AXDND1: variants seen among roughly 807,000 people sequenced by gnomAD.
AXDND1 encodes axonemal dynein light chain domain containing 1.
AXDND1 carries 110 observed loss-of-function variants against 137.5 expected under a neutral mutation model. The observed-to-expected ratio is 0.80, with a 90% confidence interval of 0.69 to 0.94. AXDND1 has a LOEUF of 0.94. Among genes scored for constraint, AXDND1 ranks in the 40% least tolerant of loss-of-function variants. The pLI is 0.00. For synonymous variants in AXDND1, 414 were observed against 399.7 expected, an observed-to-expected ratio of 1.04 and a Z score of -0.43; for missense variants, 1,191 against 1,169.8, an observed-to-expected ratio of 1.02 and a Z score of -0.26.
intron 20 of AXDND1, among the ~76,000 whole-genome samples, chr1:179,503,648 C>T (rs1668245206): frequency 6.6e-6 from 1 of 151,858 alleles, no homozygotes; most frequent in Non-Finnish European, 1.5e-5. Flanking sequence ...TGGTGTGCTG[C>T]ACCCATTAAC....
intron 4 of AXDND1, among the ~76,000 whole-genome samples, chr1:179,377,246 T>G (rs1415899585): frequency 1.3e-5 from 2 of 152,204 alleles, no homozygotes; most frequent in Non-Finnish European, 2.9e-5. Flanking sequence ...AATTGTAATA[T>G]TTCTGTATTG....
chr1:179,375,952 C>T (rs189475377), intron 4 of AXDND1, among the ~76,000 whole-genome samples: 152 of 152,308 alleles, frequency 1.0e-3, no homozygotes, highest in Admixed American at 2.9e-3. Flanking sequence ...ATTTCAGGAT[C>T]TTCCTGGGAC....
intron 10 of AXDND1, among the ~76,000 whole-genome samples, 174 bp from the exon 11 acceptor site, chr1:179,394,924 G>T (rs6666939): frequency 0.29 from 43,733 of 151,918 alleles, 6,490 homozygotes; most frequent in Non-Finnish European, 0.31. Flanking sequence ...AACCTGGCAA[G>T]ATTCCATCTA....
chr1:179,455,331 G>A (rs186557728), intron 16 of AXDND1: 6 of 146,518 alleles, frequency 4.1e-5, no homozygotes, highest in Admixed American at 2.1e-4. Context: ...GGTGGCTCAC[G>A]CCTGTAATCC....
At chr1:179,484,778 A>T (rs1665833295) in intron 18 of AXDND1, among the ~76,000 whole-genome samples, 1 of 152,136 alleles carries the variant, frequency 6.6e-6, no homozygotes, top group Non-Finnish European at 1.5e-5. Flanking sequence ...TACCATGCCA[A>T]CTGCTGCCAC....
At chr1:179,371,039 A>G (rs568340661) in intron 4 of AXDND1, among the ~76,000 whole-genome samples, 2 of 152,304 alleles carry the variant, frequency 1.3e-5, no homozygotes, top group African/African-American at 4.8e-5. Flanking sequence ...GATCATGGTT[A>G]TAATTATTGG....
At chr1:179,434,947 C>T (rs185955548) in intron 15 of AXDND1, among the ~76,000 whole-genome samples, 131 of 152,198 alleles carry the variant, frequency 8.6e-4, no homozygotes, top group Admixed American at 1.4e-3. Context: ...AAAACCCCAT[C>T]GTCTCAGCCC....
intron 25 of AXDND1, among the ~76,000 whole-genome samples, chr1:179,542,760 A>G (rs1401799664): frequency 6.6e-6 from 1 of 152,222 alleles, no homozygotes; most frequent in Non-Finnish European, 1.5e-5. Flanking sequence ...AGAAGTTTTA[A>G]TTATTTAAGG....
chr1:179,483,046 TA>T, intron 17 of AXDND1, 81 bp from the exon 18 acceptor site: 2 of 932,356 alleles, frequency 2.1e-6, no homozygotes, highest in South Asian at 4.0e-5. Flanking sequence ...CCCAGCCAAA[TA>T]AAACTCTTTC....
chr1:179,493,063 T>C (rs916178950), intron 20 of AXDND1, 112 bp downstream of exon 20: 47 of 724,342 alleles, frequency 6.5e-5, no homozygotes, highest in Admixed American at 4.5e-4. Flanking sequence ...TACAATCTTA[T>C]AAGTTCTAAA....
At chr1:179,415,642 C>T (rs1191053018) in intron 12 of AXDND1, among the ~76,000 whole-genome samples, 2 of 152,144 alleles carry the variant, frequency 1.3e-5, no homozygotes, top group Non-Finnish European at 2.9e-5. Flanking sequence ...GCAGTCGCTT[C>T]TCATTACCTC....
intron 15 of AXDND1, among the ~76,000 whole-genome samples, chr1:179,437,941 C>G (rs1216971181): frequency 1.3e-5 from 2 of 152,100 alleles, no homozygotes; most frequent in African/African-American, 4.8e-5. Flanking sequence ...CACCTCAGGT[C>G]AGGAGTTCAA....
chr1:179,551,105 G>A, intron 25 of AXDND1: 1 of 1,595,458 alleles, frequency 6.3e-7, no homozygotes. Context: ...TGAGGACAGA[G>A]TGTCTCCCTC....
At chr1:179,480,315 T>G (rs1356818840) in intron 17 of AXDND1, among the ~76,000 whole-genome samples, 2 of 152,192 alleles carry the variant, frequency 1.3e-5, no homozygotes, top group East Asian at 3.9e-4. Context: ...ACATCTCACA[T>G]GGCAGCAGAC....
chr1:179,493,821 G>A (rs115544921), intron 20 of AXDND1, among the ~76,000 whole-genome samples: 1,623 of 152,224 alleles, frequency 0.011, 42 homozygotes, highest in African/African-American at 0.037. Flanking sequence ...GATATCACAT[G>A]TACTCCAAAA....
intron 22 of AXDND1, among the ~76,000 whole-genome samples, chr1:179,526,245 T>C (rs1474979857): frequency 6.6e-6 from 1 of 151,884 alleles, no homozygotes; most frequent in East Asian, 1.9e-4. Context: ...ATAAAAACCC[T>C]TCCTGGGACA....
intron 21 of AXDND1, among the ~76,000 whole-genome samples, chr1:179,518,105 A>G (rs1200530618): frequency 6.6e-6 from 1 of 152,236 alleles, no homozygotes; most frequent in Non-Finnish European, 1.5e-5. Context: ...TTTGGTGAGC[A>G]CTGAGTATTA....
At chr1:179,508,993 T>C (rs1668779660) in intron 20 of AXDND1, among the ~76,000 whole-genome samples, 1 of 152,190 alleles carries the variant, frequency 6.6e-6, no homozygotes, top group South Asian at 2.1e-4. Context: ...GTCAGTTGCA[T>C]AAAATTTATT....
At chr1:179,551,624 T>G (rs919573715) in intron 25 of AXDND1, 42 of 689,480 alleles carry the variant, frequency 6.1e-5, no homozygotes, top group South Asian at 4.9e-4. Flanking sequence ...GGAGACAGAT[T>G]AAACTGTTAA....
Sources: allele counts gnomAD v4.1 joint callset (sites outside exome capture counted in the v4.1 genomes callset), GRCh38; gene constraint gnomAD v4.1.1; transcripts MANE v1.5; gene names NCBI Gene and HGNC (gene_info 2026-07-23, HGNC 2026-07-21).